UBE2E1: variants seen among roughly 807,000 people sequenced by gnomAD.
UBE2E1 encodes ubiquitin conjugating enzyme E2 E1, also known as ubiquitin-conjugating enzyme E2 E1.
A neutral mutation model predicts 21.4 loss-of-function variants in UBE2E1; 6 were observed. That is an observed-to-expected ratio of 0.28 (90% CI 0.15 to 0.55). UBE2E1 has a LOEUF of 0.55. UBE2E1 is among the 20% of genes least tolerant of loss of function. The pLI is 0.93. For synonymous variants in UBE2E1, 87 were observed against 82.7 expected, an observed-to-expected ratio of 1.05 and a Z score of -0.28; for missense variants, 142 against 236.5, an observed-to-expected ratio of 0.60 and a Z score of 2.62.
At chr3:23,877,149 C>G (rs1032639309) in intron 3 of UBE2E1, among the ~76,000 whole-genome samples, 1 of 152,200 alleles carries the variant, frequency 6.6e-6, no homozygotes, top group Non-Finnish European at 1.5e-5. Flanking sequence ...AGTCTGATGT[C>G]TGCATTTCTA....
At chr3:23,849,405 A>G (rs1435945226) in intron 3 of UBE2E1, among the ~76,000 whole-genome samples, 1 of 152,184 alleles carries the variant, frequency 6.6e-6, no homozygotes, top group Non-Finnish European at 1.5e-5. Context: ...TTTGTTACAT[A>G]GGTATACATG....
chr3:23,889,621 C>T, intron 5 of UBE2E1: 1 of 985,424 alleles, frequency 1.0e-6, no homozygotes, highest in Non-Finnish European at 1.2e-6. Flanking sequence ...CAAGCCTCAC[C>T]TGTGCCTCTG....
intron 3 of UBE2E1, among the ~76,000 whole-genome samples, chr3:23,868,719 TG>T (rs1226711354): frequency 1.3e-5 from 2 of 151,768 alleles, no homozygotes; most frequent in South Asian, 2.1e-4. Flanking sequence ...AACACAGTGT[TG>T]TTTTTTTTTT....
At position 23,823,924 on chromosome 3, in the gene UBE2E1, C is replaced by G. The variant is rs909075916; in HGVS notation, c.203+12414C>G. Among the ~76,000 whole-genome samples the G allele has an allele frequency of 6.6e-6, 1 of 152,122 alleles. No homozygotes were observed. The highest frequency in any genetic ancestry group is 2.4e-5 in the African/African-American group (1 of 41,418). ...ATCCTTCAGGGAGACTGGTAGCCCC[C>G]GAAAAGACATTTATTTTTTGTAGCT... On this transcript the variant is annotated intron_variant, in intron 3 of 5. Transcript: ENST00000306627. The surrounding 1 kb of genome is among the most constrained non-coding windows in gnomAD (Gnocchi z 4.2).
At chr3:23,824,543 C>T (rs1235817269) in intron 3 of UBE2E1, among the ~76,000 whole-genome samples, 1 of 152,152 alleles carries the variant, frequency 6.6e-6, no homozygotes, top group Non-Finnish European at 1.5e-5. Flanking sequence ...GAATGTAAGT[C>T]CCCCTCCAAA....
intron 3 of UBE2E1, among the ~76,000 whole-genome samples, chr3:23,854,050 G>T (rs1700384995): frequency 6.6e-6 from 1 of 152,084 alleles, no homozygotes; most frequent in Admixed American, 6.5e-5. Flanking sequence ...CTGAGGTCAG[G>T]AGTTTGAGAC....
At chr3:23,835,939 G>A (rs902040868) in intron 3 of UBE2E1, among the ~76,000 whole-genome samples, 1 of 152,174 alleles carries the variant, frequency 6.6e-6, no homozygotes, top group Non-Finnish European at 1.5e-5. Flanking sequence ...GGGAAAGTTA[G>A]CATCTGTTTC....
intron 3 of UBE2E1, among the ~76,000 whole-genome samples, chr3:23,843,309 A>G (rs887337381): frequency 6.6e-6 from 1 of 152,206 alleles, no homozygotes; most frequent in Non-Finnish European, 1.5e-5. Context: ...CTTAGCATAT[A>G]ATATGTGTTA....
At chr3:23,864,653 G>C (rs1700617089) in intron 3 of UBE2E1, among the ~76,000 whole-genome samples, 1 of 152,122 alleles carries the variant, frequency 6.6e-6, no homozygotes, top group African/African-American at 2.4e-5. Flanking sequence ...ATATTAATAA[G>C]TTTATTTTGA....
At chr3:23,889,911 T>TAC (rs1559497468) in intron 5 of UBE2E1, 1 of 163,168 alleles carries the variant, frequency 6.1e-6, no homozygotes, top group African/African-American at 2.4e-5. Flanking sequence ...TATATATATA[T>TAC]ACACATATGT....
intron 5 of UBE2E1, 35 bp downstream of exon 5, chr3:23,889,294 T>C (rs780098096): frequency 1.2e-6 from 2 of 1,612,604 alleles, no homozygotes; most frequent in African/African-American, 1.3e-5. Context: ...GTTTTATTCT[T>C]CCTTACCTGA....
Position 23,834,661 on chromosome 3 carries a change from T to G in UBE2E1, c.203+23151T>G, listed in dbSNP as rs540738033. On this transcript the variant is annotated intron_variant, in intron 3 of 5. Coordinates refer to ENST00000306627, the MANE Select transcript of UBE2E1 (RefSeq NM_003341.5). ...GGAGGATTTCTTGACCCCAGGAGTT[T>G]GAGGCTGCAGTGGGCTGTGATTGCA... Among the ~76,000 whole-genome samples, 8 of 152,228 alleles carry G rather than the reference T, an allele frequency of 5.3e-5. No individual in the cohort carries two copies. The South Asian group carries it at 1.5e-3, about 28-fold the overall frequency.
At chr3:23,812,439 G>C (rs547940337) in intron 3 of UBE2E1, among the ~76,000 whole-genome samples, 1 of 152,334 alleles carries the variant, frequency 6.6e-6, no homozygotes, top group South Asian at 2.1e-4. Flanking sequence ...TTTAAGATGA[G>C]TGTGTGGGAA....
chr3:23,882,114 G>A (rs760085049), intron 3 of UBE2E1, among the ~76,000 whole-genome samples: 1 of 152,236 alleles, frequency 6.6e-6, no homozygotes, highest in African/African-American at 2.4e-5. Context: ...AGCTTCCACA[G>A]TGTCAAAGGG....
At chr3:23,818,465 C>G (rs181381077) in intron 3 of UBE2E1, among the ~76,000 whole-genome samples, 1 of 152,196 alleles carries the variant, frequency 6.6e-6, no homozygotes, top group Admixed American at 6.5e-5. Flanking sequence ...ACATGTTCTT[C>G]CCAACTGCTT....
Position 23,823,863 on chromosome 3 carries a change from A to T in UBE2E1, c.203+12353A>T, listed in dbSNP as rs1699696683. Among the ~76,000 whole-genome samples the T allele has an allele frequency of 6.6e-6, 1 of 152,174 alleles. No homozygotes were observed. Among genetic ancestry groups the T allele is most frequent in the African/African-American group, 2.4e-5 (1 of 41,410 alleles). ...CACTGCTTTGGCCTTTTTCTGAGTA[A>T]CCCTCTCTCTGGAAGTCTTCAGAAT... On this transcript the variant is annotated intron_variant, in intron 3 of 5. Coordinates refer to ENST00000306627, the MANE Select transcript of UBE2E1 (RefSeq NM_003341.5). The surrounding 1 kb of genome is among the most constrained non-coding windows in gnomAD (Gnocchi z 4.2).
chr3:23,815,385 A>T (rs1699494218), intron 3 of UBE2E1, among the ~76,000 whole-genome samples: 1 of 152,168 alleles, frequency 6.6e-6, no homozygotes. Flanking sequence ...TTAAGCCATT[A>T]TATTATACAA....
intron 3 of UBE2E1, among the ~76,000 whole-genome samples, chr3:23,864,787 C>G (rs576167920): frequency 6.6e-6 from 1 of 152,312 alleles, no homozygotes; most frequent in East Asian, 1.9e-4. Context: ...AAAGGTCTTT[C>G]CTCTGAGTCG....
intron 3 of UBE2E1, among the ~76,000 whole-genome samples, chr3:23,875,537 T>G (rs1700896242): frequency 6.6e-6 from 1 of 152,222 alleles, no homozygotes; most frequent in Admixed American, 6.5e-5. Context: ...CAAAAAGTTA[T>G]GTCAAAAATT....
Sources: allele counts gnomAD v4.1 joint callset (sites outside exome capture counted in the v4.1 genomes callset), GRCh38; gene constraint gnomAD v4.1.1; non-coding constraint Gnocchi (gnomAD v3.1); transcripts MANE v1.5; gene names NCBI Gene and HGNC (gene_info 2026-07-23, HGNC 2026-07-21).